TMEM232: variants seen among roughly 807,000 people sequenced by gnomAD.
TMEM232 encodes transmembrane protein 232.
Under a neutral mutation model 78.8 loss-of-function variants are expected in TMEM232, and 80 were observed. That is an observed-to-expected ratio of 1.01 (90% CI 0.85 to 1.22). The LOEUF is 1.22. TMEM232 is among the 50% of genes most tolerant of loss of function. TMEM232 has a pLI of 0.00. For missense variants in TMEM232, 881 were observed against 742.2 expected (o/e 1.19, Z -2.17); for synonymous variants, 297 against 254.3 (o/e 1.17, Z -1.60).
At chr5:110,507,989 A>G (rs1482711343) in intron 12 of TMEM232, among the ~76,000 whole-genome samples, 1 of 152,164 alleles carries the variant, frequency 6.6e-6, no homozygotes, top group Non-Finnish European at 1.5e-5. Context: ...TAGGTGGTTG[A>G]CTTGTCAGCC....
intron 1 of TMEM232, among the ~76,000 whole-genome samples, chr5:110,693,786 A>G (rs893778083): frequency 7.9e-5 from 12 of 152,226 alleles, no homozygotes; most frequent in Non-Finnish European, 4.4e-5. Context: ...CAAAGCCTCC[A>G]AGAAATATGG....
intron 12 of TMEM232, among the ~76,000 whole-genome samples, chr5:110,479,784 A>G (rs1056721955): frequency 2.0e-5 from 3 of 151,882 alleles, no homozygotes; most frequent in African/African-American, 4.8e-5. Context: ...ATGAGACACT[A>G]CTGAATACAA....
intron 12 of TMEM232, among the ~76,000 whole-genome samples, chr5:110,458,176 G>C (rs1761094300): frequency 6.6e-6 from 1 of 151,976 alleles, no homozygotes; most frequent in Admixed American, 6.6e-5. Context: ...CTAATTTTAA[G>C]TTGATATTTT....
At position 110,424,833 on chromosome 5, in the gene TMEM232, A is replaced by C; in HGVS notation, c.1787T>G (p.Ile596Ser). 1.3e-6 allele frequency: 2 copies of C among 1,548,826 alleles called. No homozygotes were observed. Among genetic ancestry groups the C allele is most frequent in the Non-Finnish European group, 1.7e-6 (2 of 1,145,502 alleles). The change falls in exon 13 of 14, where the codon ATT (isoleucine) becomes AGT (serine). Residue 596 changes from isoleucine (I) to serine (S), a missense_variant. Physicochemically the swap from Ile to Ser is moderately radical, Grantham distance 142. Coordinates refer to ENST00000455884, the MANE Select transcript of TMEM232 (RefSeq NM_001039763.4). ...AAAAATCAATCTTACGTGATGGTCA[A>C]TGATTTTTGCCAACTCTTTATCTGC... ...TKADKELAKIIDHHWQEELKI... is the reference protein window; with the variant it reads ...TKADKELAKISDHHWQEELKI...
chr5:110,496,763 G>A (rs1765687797), intron 12 of TMEM232, among the ~76,000 whole-genome samples: 1 of 151,876 alleles, frequency 6.6e-6, no homozygotes, highest in African/African-American at 2.4e-5. Context: ...TAGGTAGTTG[G>A]ATGAGGCCAT....
At chr5:110,457,017 A>G (rs1438825162) in intron 12 of TMEM232, among the ~76,000 whole-genome samples, 1 of 152,136 alleles carries the variant, frequency 6.6e-6, no homozygotes, top group African/African-American at 2.4e-5. Flanking sequence ...TTAAAAATTA[A>G]TAAATTGGAC....
chr5:110,652,750 A>G (rs1041058170), intron 2 of TMEM232, among the ~76,000 whole-genome samples: 2 of 150,512 alleles, frequency 1.3e-5, no homozygotes, highest in Non-Finnish European at 3.0e-5. Flanking sequence ...GGTAAGAAGC[A>G]AAAGGAAACT....
intron 2 of TMEM232, among the ~76,000 whole-genome samples, chr5:110,646,770 A>AGC (rs376253640): frequency 2.0e-5 from 3 of 151,928 alleles, no homozygotes; most frequent in African/African-American, 7.2e-5. Flanking sequence ...GATAGAAAAT[A>AGC]CTTGCAAACC....
intron 10 of TMEM232, among the ~76,000 whole-genome samples, chr5:110,595,910 C>A (rs995105276): frequency 7.9e-5 from 12 of 152,060 alleles, no homozygotes; most frequent in Admixed American, 6.6e-4. Context: ...CATGCAAATT[C>A]AGGAAATACA....
intron 12 of TMEM232, among the ~76,000 whole-genome samples, chr5:110,484,352 TAA>T (rs1434744255): frequency 4.0e-5 from 6 of 151,760 alleles, no homozygotes; most frequent in Non-Finnish European, 8.8e-5. Context: ...ATATAATGTT[TAA>T]AGAGTTTAAT....
chr5:110,631,199 T>C (rs1785078950), intron 5 of TMEM232, among the ~76,000 whole-genome samples: 1 of 152,114 alleles, frequency 6.6e-6, no homozygotes, highest in Non-Finnish European at 1.5e-5. Flanking sequence ...AGTATTACTT[T>C]CCAGAAAAGA....
chr5:110,524,403 G>T, intron 12 of TMEM232, among the ~76,000 whole-genome samples: 1 of 76,762 alleles, frequency 1.3e-5, no homozygotes, highest in East Asian at 4.0e-4. Flanking sequence ...AAGAAAGAAA[G>T]AAAGAAAGAA....
intron 1 of TMEM232, among the ~76,000 whole-genome samples, chr5:110,694,828 C>G (rs534436662): frequency 6.6e-6 from 1 of 152,232 alleles, no homozygotes; most frequent in East Asian, 1.9e-4. Flanking sequence ...TACAAAGAGA[C>G]TTAGACTCCG....
intron 12 of TMEM232, among the ~76,000 whole-genome samples, chr5:110,461,594 GT>G (rs1038859519): frequency 4.6e-5 from 7 of 152,314 alleles, no homozygotes; most frequent in African/African-American, 1.7e-4. Flanking sequence ...GGATGAAAAG[GT>G]TTTTTATTGG....
At chr5:110,717,378 C>T (rs967701686) in intron 1 of TMEM232, among the ~76,000 whole-genome samples, 18 of 152,032 alleles carry the variant, frequency 1.2e-4, no homozygotes, top group Non-Finnish European at 1.2e-4. Flanking sequence ...AATACTTGGA[C>T]CCATGCTGAT....
intron 3 of TMEM232, among the ~76,000 whole-genome samples, chr5:110,392,348 G>A (rs1280375875): frequency 1.3e-5 from 2 of 152,160 alleles, no homozygotes; most frequent in Non-Finnish European, 2.9e-5. Context: ...CAAGCATCTT[G>A]GTAAACGGAT....
At chr5:110,551,091 G>C (rs1259832191) in intron 11 of TMEM232, among the ~76,000 whole-genome samples, 1 of 151,902 alleles carries the variant, frequency 6.6e-6, no homozygotes, top group Non-Finnish European at 1.5e-5. Flanking sequence ...TTACTATTTT[G>C]CCTCTTAAGA....
At chr5:110,506,818 T>C (rs1002692054) in intron 12 of TMEM232, among the ~76,000 whole-genome samples, 2 of 152,212 alleles carry the variant, frequency 1.3e-5, no homozygotes, top group African/African-American at 2.4e-5. Flanking sequence ...AAAACTCTTT[T>C]AGTACTTTCA....
chr5:110,732,414 A>G (rs1250907015), intron 2 of TMEM232, among the ~76,000 whole-genome samples: 2 of 152,224 alleles, frequency 1.3e-5, no homozygotes, highest in African/African-American at 4.8e-5. Context: ...TGATAAAGAC[A>G]TACCCAAAAC....
Sources: allele counts gnomAD v4.1 joint callset (sites outside exome capture counted in the v4.1 genomes callset), GRCh38; gene constraint gnomAD v4.1.1; transcripts MANE v1.5; gene names NCBI Gene and HGNC (gene_info 2026-07-23, HGNC 2026-07-21).